Variants in MAGI2 observed in about 807,000 individuals in gnomAD.
MAGI2 encodes the protein membrane-associated guanylate kinase, WW and PDZ domain-containing protein 2.
MAGI2 carries 35 observed loss-of-function variants against 133.3 expected under a neutral mutation model. The observed-to-expected ratio is 0.26, with a 90% CI of 0.20 to 0.35. MAGI2 has a LOEUF of 0.35. Ranked by LOEUF, MAGI2 falls within the 10% of genes least tolerant of loss-of-function variation. MAGI2 has a pLI of 1.00. For synonymous variants in MAGI2, 729 were observed against 710.6 expected, an observed-to-expected ratio of 1.03 and a Z score of -0.41; for missense variants, 1,636 against 1,863.4, an observed-to-expected ratio of 0.88 and a Z score of 2.25.
At chr7:78,761,527 G>A (rs149538036) in intron 2 of MAGI2, among the ~76,000 whole-genome samples, 2 of 149,644 alleles carry the variant, frequency 1.3e-5, no homozygotes, top group Non-Finnish European at 3.0e-5. Context: ...GTGTTGTGGT[G>A]TGATTTCAGC....
At chr7:78,342,114 G>T (rs1434574981) in intron 9 of MAGI2, among the ~76,000 whole-genome samples, 1 of 145,684 alleles carries the variant, frequency 6.9e-6, no homozygotes, top group Admixed American at 6.8e-5. Flanking sequence ...AAATTTACAA[G>T]AAAAAAAAAA....
At chr7:78,978,970 G>T (rs1253494713) in intron 2 of MAGI2, among the ~76,000 whole-genome samples, 2 of 151,772 alleles carry the variant, frequency 1.3e-5, no homozygotes, top group Non-Finnish European at 2.9e-5. Context: ...TCACTGTTGG[G>T]ATTGAAAGTA....
chr7:78,637,737 T>C (rs1275113365), intron 2 of MAGI2, among the ~76,000 whole-genome samples: 1 of 152,190 alleles, frequency 6.6e-6, no homozygotes. Flanking sequence ...TCCATAGTTT[T>C]ATTTGCACAA....
intron 2 of MAGI2, among the ~76,000 whole-genome samples, chr7:78,666,328 A>G (rs1813579977): frequency 6.6e-6 from 1 of 152,212 alleles, no homozygotes; most frequent in Non-Finnish European, 1.5e-5. Flanking sequence ...GGGAAGAGTA[A>G]GAAGTAAGAC....
chr7:78,407,459 G>A (rs1219371700), intron 6 of MAGI2, among the ~76,000 whole-genome samples: 2 of 151,806 alleles, frequency 1.3e-5, no homozygotes, highest in African/African-American at 4.8e-5. Flanking sequence ...AAAAGTTTTT[G>A]AAGCATTTTC....
At chr7:78,867,811 T>C (rs962597671) in intron 2 of MAGI2, among the ~76,000 whole-genome samples, 3 of 152,018 alleles carry the variant, frequency 2.0e-5, no homozygotes, top group African/African-American at 7.3e-5. Flanking sequence ...CCGTAGCCCT[T>C]GGGATGCGGA....
intron 2 of MAGI2, among the ~76,000 whole-genome samples, chr7:78,698,928 G>C (rs189005021): frequency 5.3e-5 from 8 of 152,236 alleles, no homozygotes; most frequent in African/African-American, 1.9e-4. Context: ...GATGAAATTT[G>C]GGTGGGAACA....
At chr7:78,973,987 C>G (rs1002985385) in intron 2 of MAGI2, among the ~76,000 whole-genome samples, 5 of 151,614 alleles carry the variant, frequency 3.3e-5, no homozygotes, top group African/African-American at 1.2e-4. Context: ...TACATCAAGC[C>G]CTGAACAGCA....
intron 2 of MAGI2, among the ~76,000 whole-genome samples, chr7:78,869,407 G>A (rs1794845385): frequency 1.3e-5 from 2 of 152,158 alleles, no homozygotes; most frequent in Non-Finnish European, 2.9e-5. Flanking sequence ...TGTGCAGAGT[G>A]AGAGATGAGA....
intron 2 of MAGI2, among the ~76,000 whole-genome samples, chr7:78,687,060 A>T (rs1222020770): frequency 6.6e-6 from 1 of 152,170 alleles, no homozygotes; most frequent in Non-Finnish European, 1.5e-5. Flanking sequence ...TTAAAAAGTA[A>T]ATACTGAATC....
At chr7:79,158,064 T>G (rs1823991124) in intron 1 of MAGI2, among the ~76,000 whole-genome samples, 1 of 151,872 alleles carries the variant, frequency 6.6e-6, no homozygotes, top group South Asian at 2.1e-4. Context: ...GCCAGACTTT[T>G]TCTCTCCATA....
intron 9 of MAGI2, among the ~76,000 whole-genome samples, chr7:78,280,363 C>T (rs186788545): frequency 1.3e-5 from 2 of 152,104 alleles, no homozygotes; most frequent in East Asian, 3.9e-4. Context: ...AGAGTTAAAG[C>T]CAGGAAAGGA....
intron 1 of MAGI2, among the ~76,000 whole-genome samples, chr7:79,321,530 C>G (rs1839185144): frequency 6.6e-6 from 1 of 152,100 alleles, no homozygotes; most frequent in Non-Finnish European, 1.5e-5. Flanking sequence ...TAAAATAGGA[C>G]AAAAAGGCAG....
At chr7:78,871,769 G>A (rs1795045853) in intron 2 of MAGI2, among the ~76,000 whole-genome samples, 1 of 151,870 alleles carries the variant, frequency 6.6e-6, no homozygotes, top group African/African-American at 2.4e-5. Context: ...AAATTTAGCA[G>A]GAAGACAATT....
At position 78,077,725 on chromosome 7, in the gene MAGI2, GTTTTTTTT is replaced by G. The variant is rs538030969; in HGVS notation, c.3706+1214_3706+1221del. Among the ~76,000 whole-genome samples, 25 of 101,242 alleles carry G rather than the reference GTTTTTTTT, an allele frequency of 2.5e-4. 1 individual carries two copies. The highest frequency in any genetic ancestry group is 1.0e-3 in the African/African-American group (25 of 24,904). 66.4% of individuals were successfully genotyped at this position (101,242 alleles called of 152,430 possible). A position where few individuals can be genotyped will look rare whatever the true frequency, so the allele number is the denominator to read the frequency against. ...TGAAATGAAAAGTACTCTTTAGAATGTTTTTTTTTTTTTTTTTTTTTGAGACAGAGTTT... is the reference window on the plus strand; with the variant it reads ...TGAAATGAAAAGTACTCTTTAGAATGTTTTTTTTTTTTTGAGACAGAGTTT... On this transcript the variant is annotated intron_variant, in intron 21 of 21. Coordinates refer to ENST00000354212, the MANE Select transcript of MAGI2 (RefSeq NM_012301.4).
chr7:78,342,260 A>G (rs1790464019), intron 9 of MAGI2, among the ~76,000 whole-genome samples: 1 of 152,208 alleles, frequency 6.6e-6, no homozygotes, highest in Non-Finnish European at 1.5e-5. Context: ...ATGAGATACC[A>G]TCTCATGCCA....
At chr7:78,308,602 C>T (rs893019296) in intron 9 of MAGI2, among the ~76,000 whole-genome samples, 1 of 151,654 alleles carries the variant, frequency 6.6e-6, no homozygotes, top group East Asian at 1.9e-4. Context: ...ATTTTCTTTG[C>T]CTACCATTTT....
intron 2 of MAGI2, among the ~76,000 whole-genome samples, chr7:78,870,098 C>A (rs1794906496): frequency 6.6e-6 from 1 of 151,854 alleles, no homozygotes. Context: ...ATAAGGAACT[C>A]CAACAAATCA....
chr7:78,674,533 A>T (rs1814774547), intron 2 of MAGI2, among the ~76,000 whole-genome samples: 1 of 152,092 alleles, frequency 6.6e-6, no homozygotes, highest in African/African-American at 2.4e-5. Context: ...CTATTGGGCA[A>T]GTTATATAAT....
Sources: gnomAD v4.1 joint callset for allele counts (sites outside exome capture counted in the v4.1 genomes callset) on GRCh38, gnomAD v4.1.1 for gene constraint, MANE v1.5 for transcripts, NCBI Gene and HGNC (gene_info 2026-07-23, HGNC 2026-07-21) for gene names.